Variants in DNAAF5 observed in about 807,000 individuals in gnomAD.
DNAAF5 encodes the protein dynein axonemal assembly factor 5.
In DNAAF5, 64 loss-of-function variants were observed where a neutral mutation model predicts 75.8. The ratio of observed to expected loss-of-function variants is 0.84; its 90% CI spans 0.69 to 1.04. The LOEUF (loss-of-function observed/expected upper bound fraction) is 1.04, where lower values mean the gene tolerates loss of function less well. Ranked by LOEUF, DNAAF5 falls within the 50% of genes least tolerant of loss-of-function variation. DNAAF5 has a pLI of 0.00. For missense variants in DNAAF5, 1,269 were observed against 1,178.5 expected (o/e 1.08, Z -1.12); for synonymous variants, 657 against 557.2 (o/e 1.18, Z -2.52).
rs991352271 is a variant in DNAAF5 at position 756,751 on chromosome 7, C to T, written c.1258-31C>T. On this transcript the variant is annotated intron_variant, in intron 5 of 12. Coordinates refer to ENST00000297440, the MANE Select transcript of DNAAF5 (RefSeq NM_017802.4). ...GCCCGGCTGAGACCCTCGGGTTTGGCTCTGAGTTTTCTCATGTTTCTTTCT... is the reference window on the plus strand; with the variant it reads ...GCCCGGCTGAGACCCTCGGGTTTGGTTCTGAGTTTTCTCATGTTTCTTTCT... 3.1e-6 allele frequency: 5 copies of T among 1,604,968 alleles called. No homozygotes were observed. In the African/African-American group the frequency reaches 6.7e-5, roughly 21 times the overall value.
intron 2 of DNAAF5, among the ~76,000 whole-genome samples, chr7:739,959 C>T (rs1040323654): frequency 6.6e-6 from 1 of 152,202 alleles, no homozygotes; most frequent in Non-Finnish European, 1.5e-5. Context: ...AGAGACGCTT[C>T]ATCCAAAGTG....
At position 754,411 on chromosome 7, in the gene DNAAF5, C is replaced by T. The variant is rs553041113; in HGVS notation, c.1025-178C>T. Among the ~76,000 whole-genome samples the T allele has an allele frequency of 6.6e-5, 10 of 152,264 alleles. No homozygotes were observed. The highest frequency in any genetic ancestry group is 2.2e-4 in the African/African-American group (9 of 41,544). ...CAGGGCTAGGACTGCAGCCGTGCAC[C>T]GCCTCTGTGAATGTTCTGAACGACG... On this transcript the variant is annotated intron_variant, in intron 4 of 12. Coordinates refer to ENST00000297440, the MANE Select transcript of DNAAF5 (RefSeq NM_017802.4). This position sits in a 1 kb window ranked among gnomAD's most constrained non-coding sequence, Gnocchi z 4.8.
Position 735,856 on chromosome 7 carries a change from A to AT in DNAAF5, c.781-4962dup, listed in dbSNP as rs200354806. On this transcript the variant is annotated intron_variant, in intron 2 of 12. Coordinates refer to ENST00000297440, the MANE Select transcript of DNAAF5 (RefSeq NM_017802.4). ...GCTCTTGCTTTCCTAGTTCTTTACG[A>AT]TGCAGTGTTAGGTTGCTGTTTGAAG... Among the ~76,000 whole-genome samples the AT allele has an allele frequency of 3.3e-5, 5 of 152,074 alleles. No individual in the cohort carries two copies. The East Asian group carries it at 7.7e-4, about 23-fold the overall frequency.
rs140560123 is a variant in DNAAF5 at position 769,198 on chromosome 7, G to A, written c.1784-1273G>A. On this transcript the variant is annotated intron_variant, in intron 8 of 12. Coordinates refer to ENST00000297440, the MANE Select transcript of DNAAF5 (RefSeq NM_017802.4). ...CTCACATCGCGAGGTCCCCAGCAAC[G>A]GCTCAAGGTGACTCACAGTTGCTTG... 2,227 of 773,394 alleles carry A rather than the reference G, an allele frequency of 2.9e-3. 19 individuals are homozygous for A. The highest frequency in any genetic ancestry group is 0.013 in the Middle Eastern group (56 of 4,434). 47.9% of individuals were successfully genotyped at this position (773,394 alleles called of 1,614,324 possible). A position where few individuals can be genotyped will look rare whatever the true frequency, so the allele number is the denominator to read the frequency against.
At chr7:760,067 GGGCCGCGC>G (rs1420054863) in intron 6 of DNAAF5, among the ~76,000 whole-genome samples, 34 of 10,830 alleles carry the variant, frequency 3.1e-3, no homozygotes, top group African/African-American at 7.7e-3. Context: ...GAGGGAGACG[GGGCCGCGC>G]GGCTCCTCCA....
chr7:736,303 G>A (rs1456905300), intron 2 of DNAAF5, among the ~76,000 whole-genome samples: 2 of 152,194 alleles, frequency 1.3e-5, no homozygotes, highest in Admixed American at 6.5e-5. Context: ...TGGAAGTGGG[G>A]CATTGAAGCC....
At chr7:769,433 C>T (rs557493728) in intron 8 of DNAAF5, among the ~76,000 whole-genome samples, 2 of 152,116 alleles carry the variant, frequency 1.3e-5, no homozygotes, top group Non-Finnish European at 2.9e-5. Context: ...AGTGGGGACC[C>T]CTTGGGGCGT....
rs943542638 is a variant in DNAAF5 at position 761,607 on chromosome 7, A to G, written c.1471-146A>G. On this transcript the variant is annotated intron_variant, in intron 6 of 12. Coordinates refer to ENST00000297440, the MANE Select transcript of DNAAF5 (RefSeq NM_017802.4). ...TTAATATCAAGAGAACAGCACGGGA[A>G]AGACCCACCCCCATGATTCAGTTCC... 3 of 768,390 alleles carry G rather than the reference A, an allele frequency of 3.9e-6. No individual in the cohort carries two copies. In the African/African-American group the frequency reaches 5.3e-5, roughly 14 times the overall value. The allele number at this position is 768,390 out of a possible 1,614,324, so 47.6% of individuals were successfully genotyped here. A position where few individuals can be genotyped will look rare whatever the true frequency, so the allele number is the denominator to read the frequency against.
chr7:733,388 G>C (rs1031079657), intron 2 of DNAAF5, among the ~76,000 whole-genome samples: 5 of 152,184 alleles, frequency 3.3e-5, no homozygotes, highest in Non-Finnish European at 7.3e-5. Flanking sequence ...ATTGCTTTGG[G>C]TAGTATGGAC....
chr7:756,643 T>C (rs1782493506), intron 5 of DNAAF5, 139 bp from the exon 6 acceptor site: 3 of 736,240 alleles, frequency 4.1e-6, no homozygotes, highest in Non-Finnish European at 6.9e-6. Context: ...GCTCTGAGCA[T>C]GTGCCAAGGA....
intron 2 of DNAAF5, among the ~76,000 whole-genome samples, chr7:738,719 G>A (rs1425053553): frequency 1.3e-5 from 2 of 152,206 alleles, no homozygotes; most frequent in African/African-American, 4.8e-5. Flanking sequence ...ATGATACTAA[G>A]TAGAGACTGA....
chr7:774,755 G>A (rs1192105181), intron 10 of DNAAF5, among the ~76,000 whole-genome samples: 2 of 152,218 alleles, frequency 1.3e-5, no homozygotes, highest in Non-Finnish European at 2.9e-5. Context: ...GGGCCCAGGC[G>A]AGCCATTACC....
chr7:764,499 GAC>G (rs1382195320), intron 8 of DNAAF5, among the ~76,000 whole-genome samples: 1 of 152,182 alleles, frequency 6.6e-6, no homozygotes, highest in African/African-American at 2.4e-5. Flanking sequence ...AGTGCCTTGG[GAC>G]ACACGGCCCG....
intron 2 of DNAAF5, among the ~76,000 whole-genome samples, chr7:733,797 T>C (rs577256304): frequency 2.0e-5 from 3 of 152,316 alleles, no homozygotes; most frequent in East Asian, 1.9e-4. Flanking sequence ...CCTGGCCTTA[T>C]AGTTTTCATT....
At chr7:769,003 G>T in intron 8 of DNAAF5, 1 of 609,532 alleles carries the variant, frequency 1.6e-6, no homozygotes, top group Non-Finnish European at 3.0e-6. Flanking sequence ...AACGCCTCCT[G>T]CCCGGCTGCG....
chr7:782,319 G>A lies in DNAAF5; in HGVS notation c.2431+2175G>A, dbSNP rs113888644. On this transcript the variant is annotated intron_variant, in intron 12 of 12. Coordinates refer to ENST00000297440, the MANE Select transcript of DNAAF5 (RefSeq NM_017802.4). ...GATCTTCCTGGCGTGGCCGCCTCCC[G>A]TCACGCGGCGTCAGAAACTCGGCTC... Among the ~76,000 whole-genome samples the A allele has an allele frequency of 1.6e-3, 243 of 150,398 alleles. 1 individual carries two copies. Among genetic ancestry groups the A allele is most frequent in the African/African-American group, 5.9e-3 (237 of 40,438 alleles).
At chr7:751,280 A>G (rs1782283875) in intron 4 of DNAAF5, among the ~76,000 whole-genome samples, 1 of 152,238 alleles carries the variant, frequency 6.6e-6, no homozygotes, top group Non-Finnish European at 1.5e-5. Flanking sequence ...GGATAAAAAC[A>G]GAAAAATAAC....
rs972240556 is a variant in DNAAF5, at chr7:781,356, C to T, written c.2431+1212C>T. 2.6e-5 allele frequency among the ~76,000 whole-genome samples: 4 copies of T among 152,344 alleles called. No homozygotes were observed. In the East Asian group the frequency reaches 7.7e-4, roughly 29 times the overall value. On this transcript the variant is annotated intron_variant, in intron 12 of 12. Transcript: ENST00000297440. The stretch of plus-strand genomic sequence containing the variant: ...CCATGTTGATCCAATGACTGGATCT[C>T]ATTTCTTTTGTGGCCGGATAATATT...
rs1371513407 is a variant in DNAAF5, at chr7:775,068, G to A, written c.2145G>A (p.Lys715=). Residue 715 remains lysine, a synonymous_variant, in exon 11 of 13, where the codon AAG becomes AAA. Transcript: ENST00000297440. ...TGACCACCCTGGAGGAGGATTCGAA[G>A]ATGACGCGACTGATCTCATGCCGTA... ...QVLTTLEEDS[K]MTRLISCRII... 1.2e-5 allele frequency: 19 copies of A among 1,613,982 alleles called. No homozygotes were observed. Among genetic ancestry groups the A allele is most frequent in the Admixed American group, 1.7e-5 (1 of 59,990 alleles).
Sources: gnomAD v4.1 joint callset for allele counts (sites outside exome capture counted in the v4.1 genomes callset) on GRCh38, gnomAD v4.1.1 for gene constraint, Gnocchi (gnomAD v3.1) non-coding constraint, MANE v1.5 for transcripts, NCBI Gene and HGNC (gene_info 2026-07-23, HGNC 2026-07-21) for gene names.